Variants in KDM7A observed in about 807,000 individuals in gnomAD.
KDM7A encodes the protein lysine demethylase 7A, also known as lysine-specific demethylase 7A.
KDM7A carries 28 observed loss-of-function variants against 114.8 expected under a neutral mutation model. The observed-to-expected ratio is 0.24, with a 90% CI of 0.18 to 0.33. The LOEUF (loss-of-function observed/expected upper bound fraction) is 0.33, where lower values mean the gene tolerates loss of function less well. Among genes scored for constraint, KDM7A ranks in the 10% least tolerant of loss-of-function variants. The probability of loss-of-function intolerance (pLI) is 1.00; values close to 1 mark genes in which losing one functional copy is unlikely to be tolerated. For missense variants in KDM7A, 942 were observed against 1,142.5 expected (o/e 0.82, Z 2.53); for synonymous variants, 423 against 397.8 (o/e 1.06, Z -0.75).
chr7:140,110,465 G>A (rs1818412951), intron 11 of KDM7A, among the ~76,000 whole-genome samples: 1 of 151,912 alleles, frequency 6.6e-6, no homozygotes, highest in Admixed American at 6.6e-5. Context: ...TCCAAACACA[G>A]CCCTAATGTA....
Position 140,090,589 on chromosome 7 carries a change from A to T in KDM7A, c.*505T>A, listed in dbSNP as rs1210456217. Reference sequence around the variant, plus strand: ...TCAAATTTAAGAGTCCAGACTAGTTACTGTTACTGTGGCCCTTCCCCACAT... The same window carrying T: ...TCAAATTTAAGAGTCCAGACTAGTTTCTGTTACTGTGGCCCTTCCCCACAT... On this transcript the variant is annotated 3_prime_UTR_variant, in exon 20 of 20. Transcript: ENST00000397560. 2 of 152,652 alleles carry T rather than the reference A, an allele frequency of 1.3e-5. No individual in the cohort carries two copies. Among genetic ancestry groups the T allele is most frequent in the African/African-American group, 2.4e-5 (1 of 41,466 alleles). The allele number at this position is 152,652 out of a possible 1,614,324, so 9.5% of individuals were successfully genotyped here. A position where few individuals can be genotyped will look rare whatever the true frequency, so the allele number is the denominator to read the frequency against.
intron 2 of KDM7A, among the ~76,000 whole-genome samples, chr7:140,138,164 T>C (rs1818899384): frequency 6.6e-6 from 1 of 152,042 alleles, no homozygotes; most frequent in African/African-American, 2.4e-5. Flanking sequence ...AAAAATTAAC[T>C]GGGTGTAGTG....
chr7:140,176,151 C>T lies in KDM7A; in HGVS notation c.194+593G>A, dbSNP rs41376. Among the ~76,000 whole-genome samples, 1 of 151,902 alleles carries T rather than the reference C, an allele frequency of 6.6e-6. No homozygotes were observed. Among genetic ancestry groups the T allele is most frequent in the Non-Finnish European group, 1.5e-5 (1 of 67,912 alleles). The stretch of plus-strand genomic sequence containing the variant: ...CCGCCGAGCTGGCTGGCGCGGTCGC[C>T]TCTCCGGCCCGCCGCTGCCCCCGTC... On this transcript the variant is annotated intron_variant, in intron 1 of 19. Coordinates refer to ENST00000397560, the MANE Select transcript of KDM7A (RefSeq NM_030647.2). The surrounding 1 kb of genome is among the most constrained non-coding windows in gnomAD (Gnocchi z 4.4).
At chr7:140,127,842 A>G (rs187639703) in intron 4 of KDM7A, among the ~76,000 whole-genome samples, 3 of 152,360 alleles carry the variant, frequency 2.0e-5, no homozygotes, top group Admixed American at 2.0e-4. Context: ...TATATGGCTT[A>G]CAAAGCTTTC....
chr7:140,104,518 T>C (rs1251697526), intron 11 of KDM7A, among the ~76,000 whole-genome samples: 1 of 152,256 alleles, frequency 6.6e-6, no homozygotes, highest in Non-Finnish European at 1.5e-5. Context: ...TTCAGCTTTC[T>C]ACATATGGCT....
At chr7:140,126,962 A>AT in intron 5 of KDM7A, 139 bp from the exon 6 acceptor site, 1 of 679,070 alleles carries the variant, frequency 1.5e-6, no homozygotes, top group Non-Finnish European at 2.5e-6. Context: ...TTTAAAACAC[A>AT]TGTTTGTTTG....
At chr7:140,130,240 TTTAAG>T (rs899476398) in intron 3 of KDM7A, among the ~76,000 whole-genome samples, 26 of 152,164 alleles carry the variant, frequency 1.7e-4, no homozygotes, top group African/African-American at 6.3e-4. Flanking sequence ...AACGGTTAGA[TTTAAG>T]TTAAGTAGAA....
chr7:140,111,716 T>C (rs1176741915), intron 10 of KDM7A, among the ~76,000 whole-genome samples: 1 of 152,210 alleles, frequency 6.6e-6, no homozygotes, highest in Admixed American at 6.5e-5. Context: ...CCCAACACTT[T>C]GGGAGGCCAA....
At chr7:140,097,287 A>C (rs545704168) in intron 15 of KDM7A, among the ~76,000 whole-genome samples, 1 of 152,348 alleles carries the variant, frequency 6.6e-6, no homozygotes, top group African/African-American at 2.4e-5. Flanking sequence ...ATCCATGAGA[A>C]ATATGAAACA....
At position 140,129,579 on chromosome 7, in the gene KDM7A, A is replaced by T; in HGVS notation, c.473T>A (p.Val158Asp). The T allele has an allele frequency of 1.2e-6, 2 of 1,611,174 alleles. No homozygotes were observed. The highest frequency in any genetic ancestry group is 1.7e-6 in the Non-Finnish European group (2 of 1,177,390). ...QRYLEKHGFDVPIMVPKLDDL... is the reference protein window; with the variant it reads ...QRYLEKHGFDDPIMVPKLDDL... ...ATCTAATTTTGGGACCATAATAGGG[A>T]CATCAAATCCATGTTTCTCCAGATA... is the stretch of plus-strand genomic sequence containing the variant. Residue 158 changes from valine to aspartate, a missense_variant, in exon 4 of 20, where the codon GTC becomes GAC. Val to Asp is a radical substitution (Grantham distance 152). Transcript: ENST00000397560.
intron 1 of KDM7A, among the ~76,000 whole-genome samples, chr7:140,163,006 T>A (rs1794537163): frequency 6.6e-6 from 1 of 151,726 alleles, no homozygotes; most frequent in African/African-American, 2.4e-5. Context: ...CTTTTTTTTT[T>A]TTTTTTGAGA....
chr7:140,150,516 G>A (rs1794387432), intron 1 of KDM7A, among the ~76,000 whole-genome samples: 1 of 152,236 alleles, frequency 6.6e-6, no homozygotes, highest in African/African-American at 2.4e-5. Context: ...TCCAAGATAC[G>A]CTTGCTGTAA....
chr7:140,109,925 A>G (rs1479187460), intron 11 of KDM7A, among the ~76,000 whole-genome samples: 2 of 152,216 alleles, frequency 1.3e-5, no homozygotes, highest in Non-Finnish European at 2.9e-5. Flanking sequence ...TAATAATTTT[A>G]TATTTTTCTC....
At chr7:140,110,640 T>A (rs1818416287) in intron 11 of KDM7A, among the ~76,000 whole-genome samples, 1 of 152,150 alleles carries the variant, frequency 6.6e-6, no homozygotes, top group Non-Finnish European at 1.5e-5. Flanking sequence ...TCAGATTTTA[T>A]GAGCTTTTAT....
intron 1 of KDM7A, among the ~76,000 whole-genome samples, chr7:140,169,170 C>T (rs575053891): frequency 6.6e-6 from 1 of 152,226 alleles, no homozygotes; most frequent in South Asian, 2.1e-4. Context: ...TTAACTCAAC[C>T]TACAGTTAAT....
intron 2 of KDM7A, among the ~76,000 whole-genome samples, chr7:140,135,198 A>G (rs921789852): frequency 6.8e-6 from 1 of 146,466 alleles, no homozygotes; most frequent in Non-Finnish European, 1.5e-5. Flanking sequence ...ATATAGATAC[A>G]TAACTCCTTT....
At chr7:140,119,052 A>G (rs569799663) in intron 9 of KDM7A, 61 bp downstream of exon 9, 12 of 916,536 alleles carry the variant, frequency 1.3e-5, no homozygotes, top group Non-Finnish European at 2.1e-5. Flanking sequence ...TCAGGTGGCT[A>G]TGAGTGAATT....
At position 140,102,179 on chromosome 7, in the gene KDM7A, G is replaced by A. The variant is rs772825980; in HGVS notation, c.1429-19C>T. On this transcript the variant is annotated intron_variant, in intron 11 of 19. Transcript: ENST00000397560. The stretch of plus-strand genomic sequence containing the variant: ...TTTCCTCCTTTAAGAATTAAAATCA[G>A]AGTATTTTTATAAGAAGGCTGTTAC... 6.4e-7 allele frequency: 1 copy of A among 1,568,008 alleles called. No homozygotes were observed. Among genetic ancestry groups the A allele is most frequent in the African/African-American group, 1.4e-5 (1 of 74,006 alleles).
At position 140,157,846 on chromosome 7, in the gene KDM7A, G is replaced by GT. The variant is rs1554401185; in HGVS notation, c.195-18657dup. Among the ~76,000 whole-genome samples, 4 of 151,736 alleles carry GT rather than the reference G, an allele frequency of 2.6e-5. 1 individual carries two copies. Among genetic ancestry groups the GT allele is most frequent in the African/African-American group, 7.2e-5 (3 of 41,400 alleles). On this transcript the variant is annotated intron_variant, in intron 1 of 19. Transcript: ENST00000397560. ...TAGTCAGGTGTGGTGGCACACGCCT[G>GT]TAATCCCAGCTACTCGAGAGGCCAA...
Sources: gnomAD v4.1 joint callset for allele counts (sites outside exome capture counted in the v4.1 genomes callset) on GRCh38, gnomAD v4.1.1 for gene constraint, Gnocchi (gnomAD v3.1) non-coding constraint, MANE v1.5 for transcripts, NCBI Gene and HGNC (gene_info 2026-07-23, HGNC 2026-07-21) for gene names.